The following ROBO1 variants were observed in gnomAD, a reference collection of about 807,000 sequenced individuals.
ROBO1 encodes roundabout homolog 1.
A neutral mutation model predicts 195.9 loss-of-function variants in ROBO1; 149 were observed. That is an observed-to-expected ratio of 0.76 (90% CI 0.67 to 0.87). The LOEUF (loss-of-function observed/expected upper bound fraction) is 0.87, where lower values mean the gene tolerates loss of function less well. ROBO1 is among the 40% of genes least tolerant of loss of function. The probability of loss-of-function intolerance (pLI) is 0.00; values close to 1 mark genes in which losing one functional copy is unlikely to be tolerated. For missense variants in ROBO1, 1,933 were observed against 2,068.3 expected, an observed-to-expected ratio of 0.93 and a Z score of 1.27; for synonymous variants, 816 against 733.2, an observed-to-expected ratio of 1.11 and a Z score of -1.82.
chr3:79,267,712 T>C lies in ROBO1; in HGVS notation c.89-142173A>G, dbSNP rs1023202017. ...AACAACAGACTGATTATAAGTATTA[T>C]GACTTTAAAGGATTTCTGTCATTGA... is the stretch of plus-strand genomic sequence containing the variant. On this transcript the variant is annotated intron_variant, in intron 2 of 30. Transcript: ENST00000464233. Among the ~76,000 whole-genome samples, 13 of 151,652 alleles carry C rather than the reference T, an allele frequency of 8.6e-5. No homozygotes were observed. The East Asian group carries it at 2.3e-3, about 27-fold the overall frequency.
intron 4 of ROBO1, among the ~76,000 whole-genome samples, chr3:78,845,807 T>A (rs1490187721): frequency 2.6e-5 from 4 of 152,152 alleles, no homozygotes; most frequent in African/African-American, 9.7e-5. Flanking sequence ...ATAAACTGCC[T>A]TTTCAGATAA....
At chr3:78,932,612 T>C (rs555567534) in intron 4 of ROBO1, among the ~76,000 whole-genome samples, 5 of 152,270 alleles carry the variant, frequency 3.3e-5, no homozygotes, top group African/African-American at 9.6e-5. Flanking sequence ...TATTCCAACA[T>C]ACCTAATGCC....
chr3:79,161,813 C>T (rs138103544), intron 2 of ROBO1, among the ~76,000 whole-genome samples: 1 of 152,190 alleles, frequency 6.6e-6, no homozygotes, highest in East Asian at 1.9e-4. Flanking sequence ...GATAGAAGGA[C>T]CGTCTATCCC....
chr3:79,484,056 G>C (rs1939015032), intron 2 of ROBO1, among the ~76,000 whole-genome samples: 1 of 152,164 alleles, frequency 6.6e-6, no homozygotes, highest in African/African-American at 2.4e-5. Flanking sequence ...TATACCACTT[G>C]TTAGCCAAGG....
At chr3:79,367,877 A>G (rs1372217974) in intron 2 of ROBO1, among the ~76,000 whole-genome samples, 1 of 152,220 alleles carries the variant, frequency 6.6e-6, no homozygotes, top group African/African-American at 2.4e-5. Flanking sequence ...TGTGCCTAGC[A>G]TACTGCTTAC....
chr3:78,872,736 G>C (rs2107162554), intron 4 of ROBO1, among the ~76,000 whole-genome samples: 1 of 152,288 alleles, frequency 6.6e-6, no homozygotes, highest in East Asian at 1.9e-4. Context: ...CACGTTATCA[G>C]TAAGCTCCCT....
chr3:79,418,141 T>G (rs2038081338), intron 2 of ROBO1, among the ~76,000 whole-genome samples: 1 of 152,140 alleles, frequency 6.6e-6, no homozygotes, highest in Admixed American at 6.6e-5. Flanking sequence ...TTTTCTTGTG[T>G]TTTTACCATT....
intron 2 of ROBO1, among the ~76,000 whole-genome samples, chr3:79,316,842 G>A (rs116127561): frequency 0.028 from 4,257 of 152,148 alleles, 176 homozygotes; most frequent in African/African-American, 0.096. Context: ...AGATTACCAA[G>A]AAGGCATCAG....
chr3:78,795,863 T>A (rs1421698646), intron 4 of ROBO1, among the ~76,000 whole-genome samples: 1 of 150,358 alleles, frequency 6.7e-6, no homozygotes, highest in Admixed American at 6.7e-5. Flanking sequence ...AGATACATGG[T>A]CCCAGAGCAG....
intron 2 of ROBO1, among the ~76,000 whole-genome samples, chr3:79,425,525 GGCT>G (rs2038410071): frequency 6.6e-6 from 1 of 152,070 alleles, no homozygotes; most frequent in East Asian, 1.9e-4. Context: ...AAAGACAAGT[GGCT>G]GCCCAGAGGT....
At chr3:79,139,777 C>T (rs1314710037) in intron 2 of ROBO1, among the ~76,000 whole-genome samples, 1 of 152,006 alleles carries the variant, frequency 6.6e-6, no homozygotes, top group Non-Finnish European at 1.5e-5. Flanking sequence ...TTCTCTCCAC[C>T]CACTTTGCCC....
chr3:78,844,319 T>A (rs1559915995), intron 4 of ROBO1, among the ~76,000 whole-genome samples: 1 of 152,172 alleles, frequency 6.6e-6, no homozygotes, highest in Non-Finnish European at 1.5e-5. Flanking sequence ...AAGATTTTTC[T>A]GACCTTTACC....
intron 2 of ROBO1, among the ~76,000 whole-genome samples, chr3:79,194,910 T>A (rs1476302753): frequency 6.6e-6 from 1 of 151,668 alleles, no homozygotes; most frequent in Non-Finnish European, 1.5e-5. Flanking sequence ...TGCTGAGTTA[T>A]GAATAACAAG....
intron 2 of ROBO1, among the ~76,000 whole-genome samples, chr3:79,207,938 T>A (rs2081900695): frequency 1.3e-5 from 2 of 152,176 alleles, no homozygotes. Context: ...AAATCATCTC[T>A]TAATAATTCA....
rs142553968 is a variant in ROBO1 at position 79,434,348 on chromosome 3, A to G, written c.88+155476T>C. On this transcript the variant is annotated intron_variant, in intron 2 of 30. Coordinates refer to ENST00000464233, the MANE Select transcript of ROBO1 (RefSeq NM_002941.4). ...AAAGGGCTAATATCCAGAATTTACA[A>G]AGAACTCAAACAAATTCACAAGAAA... Among the ~76,000 whole-genome samples, 1,362 of 152,326 alleles carry G rather than the reference A, an allele frequency of 8.9e-3. 20 individuals are homozygous for G. The highest frequency in any genetic ancestry group is 0.031 in the African/African-American group (1,290 of 41,574).
chr3:78,955,136 G>A (rs1000234939), intron 3 of ROBO1, among the ~76,000 whole-genome samples: 1 of 146,518 alleles, frequency 6.8e-6, no homozygotes, highest in Non-Finnish European at 1.5e-5. Context: ...TGTGTGTCAT[G>A]GAGTTATATA....
chr3:78,701,784 C>A (rs1028029742), intron 8 of ROBO1, among the ~76,000 whole-genome samples: 1 of 152,120 alleles, frequency 6.6e-6, no homozygotes, highest in African/African-American at 2.4e-5. Context: ...TAACATCGAC[C>A]ACACAAAATA....
intron 4 of ROBO1, among the ~76,000 whole-genome samples, chr3:78,867,347 A>G (rs2035245336): frequency 6.6e-6 from 1 of 152,206 alleles, no homozygotes; most frequent in African/African-American, 2.4e-5. Context: ...GCAAAATGCT[A>G]GCAGTCTAAG....
At chr3:79,592,792 G>A (rs1309285699) in intron 1 of ROBO1, among the ~76,000 whole-genome samples, 1 of 151,960 alleles carries the variant, frequency 6.6e-6, no homozygotes, top group African/African-American at 2.4e-5. Flanking sequence ...TTGGTGTTGT[G>A]CATTTTATGG....
Sources: allele counts gnomAD v4.1 joint callset (sites outside exome capture counted in the v4.1 genomes callset), GRCh38; gene constraint gnomAD v4.1.1; transcripts MANE v1.5; gene names NCBI Gene and HGNC (gene_info 2026-07-23, HGNC 2026-07-21).